PAPSS1: variants seen among roughly 807,000 people sequenced by gnomAD.
PAPSS1 encodes the protein 3'-phosphoadenosine 5'-phosphosulfate synthase 1.
A neutral mutation model predicts 72.0 loss-of-function variants in PAPSS1; 50 were observed. The observed-to-expected ratio is 0.69, with a 90% CI of 0.55 to 0.88. The LOEUF is 0.88. Among genes scored for constraint, PAPSS1 ranks in the 40% least tolerant of loss-of-function variants. The pLI is 0.00. For synonymous variants in PAPSS1, 261 were observed against 263.6 expected, an observed-to-expected ratio of 0.99 and a Z score of 0.09; for missense variants, 657 against 782.2, an observed-to-expected ratio of 0.84 and a Z score of 1.91.
chr4:107,696,379 A>C (rs1404280624), intron 2 of PAPSS1, among the ~76,000 whole-genome samples: 2 of 152,220 alleles, frequency 1.3e-5, no homozygotes, highest in African/African-American at 2.4e-5. Context: ...TACACCATGG[A>C]ATACTATGCA....
chr4:107,662,994 G>A (rs565859630), intron 5 of PAPSS1, among the ~76,000 whole-genome samples: 3 of 152,286 alleles, frequency 2.0e-5, no homozygotes, highest in African/African-American at 7.2e-5. Flanking sequence ...CTCCAAAGAT[G>A]CCTTGAGGCA....
intron 1 of PAPSS1, among the ~76,000 whole-genome samples, chr4:107,711,113 A>C (rs143834851): frequency 2.5e-3 from 377 of 152,358 alleles, no homozygotes; most frequent in African/African-American, 8.7e-3. Context: ...AGCTAGATAC[A>C]AGACATTTAT....
intron 3 of PAPSS1, among the ~76,000 whole-genome samples, chr4:107,690,184 A>C (rs1283643512): frequency 1.3e-5 from 2 of 152,108 alleles, no homozygotes; most frequent in Non-Finnish European, 2.9e-5. Flanking sequence ...TTATAATCTC[A>C]AACTATTAAC....
At chr4:107,647,866 G>A (rs1008302847) in intron 9 of PAPSS1, among the ~76,000 whole-genome samples, 5 of 152,026 alleles carry the variant, frequency 3.3e-5, no homozygotes, top group Non-Finnish European at 4.4e-5. Context: ...TTCAATTACC[G>A]CACACATACA....
chr4:107,649,442 T>G (rs1726782083), intron 9 of PAPSS1, among the ~76,000 whole-genome samples: 1 of 152,232 alleles, frequency 6.6e-6, no homozygotes, highest in East Asian at 1.9e-4. Flanking sequence ...AGCAAATCCT[T>G]GTAGGTTCCC....
intron 1 of PAPSS1, among the ~76,000 whole-genome samples, chr4:107,716,575 A>T (rs1433158835): frequency 6.6e-6 from 1 of 152,222 alleles, no homozygotes; most frequent in Non-Finnish European, 1.5e-5. Flanking sequence ...TGGGTGAATG[A>T]CACCTGGGCC....
chr4:107,654,193 C>T lies in PAPSS1; in HGVS notation c.1101+502G>A, dbSNP rs148182698. On this transcript the variant is annotated intron_variant, in intron 8 of 11. Coordinates refer to ENST00000265174, the MANE Select transcript of PAPSS1 (RefSeq NM_005443.5). Reference sequence around the variant, plus strand: ...TGCCAACAATGTGCCCAGCTTCTTTCTCAGTCTACCTTAACACACCTAACA... The same window carrying T: ...TGCCAACAATGTGCCCAGCTTCTTTTTCAGTCTACCTTAACACACCTAACA... Among the ~76,000 whole-genome samples, 317 of 152,320 alleles carry T rather than the reference C, an allele frequency of 2.1e-3. 3 individuals are homozygous for T. Among genetic ancestry groups the T allele is most frequent in the African/African-American group, 7.2e-3 (300 of 41,576 alleles).
chr4:107,711,878 G>A (rs1318517093), intron 1 of PAPSS1, among the ~76,000 whole-genome samples: 2 of 152,118 alleles, frequency 1.3e-5, no homozygotes, highest in African/African-American at 4.8e-5. Context: ...ATCCCTGGAG[G>A]ATGTTGAGAA....
intron 10 of PAPSS1, among the ~76,000 whole-genome samples, chr4:107,634,998 C>T (rs1194484543): frequency 6.6e-6 from 1 of 151,884 alleles, no homozygotes; most frequent in East Asian, 1.9e-4. Context: ...CGGGGTTTTA[C>T]CGTGTTAGCC....
At chr4:107,719,482 C>T (rs1386608536) in intron 1 of PAPSS1, among the ~76,000 whole-genome samples, 1 of 152,156 alleles carries the variant, frequency 6.6e-6, no homozygotes, top group Non-Finnish European at 1.5e-5. Flanking sequence ...CTGACTGTCA[C>T]CAGGAATGGA....
chr4:107,650,882 C>T (rs1449285871), intron 9 of PAPSS1, among the ~76,000 whole-genome samples: 2 of 152,132 alleles, frequency 1.3e-5, no homozygotes, highest in Non-Finnish European at 2.9e-5. Flanking sequence ...GCATAAGCCA[C>T]ACTGTCAGAA....
At chr4:107,624,274 T>C (rs572468688) in intron 11 of PAPSS1, among the ~76,000 whole-genome samples, 1 of 152,318 alleles carries the variant, frequency 6.6e-6, no homozygotes, top group East Asian at 1.9e-4. Flanking sequence ...CAGGAACCTA[T>C]CCCCGGTACC....
chr4:107,648,826 C>T (rs1726761609), intron 9 of PAPSS1, among the ~76,000 whole-genome samples: 1 of 152,156 alleles, frequency 6.6e-6, no homozygotes, highest in Admixed American at 6.5e-5. Flanking sequence ...GTTTGATCTC[C>T]CCTCCTCCCT....
At chr4:107,615,134 T>C (rs1027499359) in intron 11 of PAPSS1, among the ~76,000 whole-genome samples, 2 of 152,140 alleles carry the variant, frequency 1.3e-5, no homozygotes, top group African/African-American at 4.8e-5. Context: ...TACTACTTAA[T>C]TGACAAGACA....
At chr4:107,652,640 A>AT (rs1410490743) in intron 9 of PAPSS1, among the ~76,000 whole-genome samples, 2 of 152,146 alleles carry the variant, frequency 1.3e-5, no homozygotes, top group Non-Finnish European at 2.9e-5. Flanking sequence ...ATCCAGAAAC[A>AT]TTTTTTAAAT....
At chr4:107,705,343 A>G (rs1723314330) in intron 1 of PAPSS1, among the ~76,000 whole-genome samples, 1 of 152,214 alleles carries the variant, frequency 6.6e-6, no homozygotes, top group South Asian at 2.1e-4. Context: ...GCTTTCACCC[A>G]TGCTGCTCTC....
chr4:107,708,188 A>T (rs1215027568), intron 1 of PAPSS1, among the ~76,000 whole-genome samples: 2 of 152,242 alleles, frequency 1.3e-5, no homozygotes, highest in East Asian at 3.8e-4. Context: ...AAAAAATTGT[A>T]ATGAGTCTCT....
chr4:107,644,818 T>C lies in PAPSS1; in HGVS notation c.1490A>G (p.Tyr497Cys). 2 of 1,612,636 alleles carry C rather than the reference T, an allele frequency of 1.2e-6. No homozygotes were observed. Among genetic ancestry groups the C allele is most frequent in the Non-Finnish European group, 1.7e-6 (2 of 1,179,608 alleles). The change falls in exon 10 of 12, where the codon TAT (tyrosine) becomes TGT (cysteine). Residue 497 changes from tyrosine (Y) to cysteine (C), a missense_variant. By Grantham distance (194) the Tyr-to-Cys change is radical. Around this residue, in one of 7 missense-constraint regions of PAPSS1, gnomAD observed 166 missense variants for 228.3 expected, o/e 0.73. Coordinates refer to ENST00000265174, the MANE Select transcript of PAPSS1 (RefSeq NM_005443.5). ...GCAGTCTACCTCAGTTGGTCCAGCA[T>C]ACATCATGGGAGATGGGAAGATGGC... ...VVAIFPSPMM[Y>C]AGPTEVQWHC...
intron 1 of PAPSS1, among the ~76,000 whole-genome samples, chr4:107,704,142 G>C (rs1723277827): frequency 6.6e-6 from 1 of 151,910 alleles, no homozygotes; most frequent in Non-Finnish European, 1.5e-5. Context: ...TTCTTTTACA[G>C]GTACTTCAAT....
Sources: gnomAD v4.1 joint callset for allele counts (sites outside exome capture counted in the v4.1 genomes callset) on GRCh38, gnomAD v4.1.1 for gene constraint, gnomAD v4.1.1 regional missense constraint, MANE v1.5 for transcripts, NCBI Gene and HGNC (gene_info 2026-07-23, HGNC 2026-07-21) for gene names.